Variants in ABCA12 observed in about 807,000 individuals in gnomAD.
The protein encoded by ABCA12 is ATP binding cassette subfamily A member 12, also known as glucosylceramide transporter ABCA12.
Under a neutral mutation model 293.5 loss-of-function variants are expected in ABCA12, and 156 were observed. The observed-to-expected ratio is 0.53, with a 90% CI of 0.47 to 0.61. The LOEUF (loss-of-function observed/expected upper bound fraction) is 0.61, where lower values mean the gene tolerates loss of function less well. Among genes scored for constraint, ABCA12 ranks in the 20% least tolerant of loss-of-function variants. The probability of loss-of-function intolerance (pLI) is 0.00; values close to 1 mark genes in which losing one functional copy is unlikely to be tolerated. For missense variants in ABCA12, 2,797 were observed against 3,090.2 expected (o/e 0.91, Z 2.25); for synonymous variants, 1,063 against 1,108.0 (o/e 0.96, Z 0.81).
At chr2:214,976,158 G>T in intron 33 of ABCA12, 121 bp from the exon 34 acceptor site, 1 of 1,373,812 alleles carries the variant, frequency 7.3e-7, no homozygotes, top group Non-Finnish European at 1.0e-6. Context: ...TAAAGATTTG[G>T]ATTTGAGGTT....
At chr2:215,121,127 A>T (rs1261048697) in intron 1 of ABCA12, among the ~76,000 whole-genome samples, 1 of 152,226 alleles carries the variant, frequency 6.6e-6, no homozygotes, top group Non-Finnish European at 1.5e-5. Flanking sequence ...ATGGGAAGAC[A>T]GGATCTTAAA....
At position 214,948,624 on chromosome 2, in the gene ABCA12, T is replaced by A. The variant is rs780445454; in HGVS notation, c.7076A>T (p.His2359Leu). The change falls in exon 47 of 53, where the codon CAT (histidine) becomes CTT (leucine). Residue 2359 changes from histidine (H) to leucine (L), a missense_variant. Physicochemically the swap from His to Leu is moderately conservative, Grantham distance 99. Transcript: ENST00000272895. ...TTTAATATCCTTTTCTGGAATTCCA[T>A]GTACCCTGGCATAGAAATACAAATG... ...EEHLYFYARV[H>L]GIPEKDIKET... 5 of 1,613,926 alleles carry A rather than the reference T, an allele frequency of 3.1e-6. No individual in the cohort carries two copies. Among genetic ancestry groups the A allele is most frequent in the Non-Finnish European group, 4.2e-6 (5 of 1,179,962 alleles).
At chr2:215,128,942 A>G (rs1187341363) in intron 1 of ABCA12, among the ~76,000 whole-genome samples, 1 of 152,074 alleles carries the variant, frequency 6.6e-6, no homozygotes, top group African/African-American at 2.4e-5. Context: ...CAGAGGGAAG[A>G]TCTATGTCTG....
chr2:215,063,304 A>C (rs779934128), intron 3 of ABCA12, among the ~76,000 whole-genome samples: 2 of 152,086 alleles, frequency 1.3e-5, no homozygotes, highest in East Asian at 3.9e-4. Flanking sequence ...CTAAATATCT[A>C]CGATTATAGA....
intron 2 of ABCA12, among the ~76,000 whole-genome samples, chr2:215,105,045 T>C (rs1218648595): frequency 2.0e-5 from 3 of 152,224 alleles, no homozygotes; most frequent in East Asian, 1.9e-4. Flanking sequence ...CAGTCACCCA[T>C]ATAAATCTTC....
intron 2 of ABCA12, among the ~76,000 whole-genome samples, chr2:215,105,064 A>G (rs1030051011): frequency 2.0e-5 from 3 of 152,138 alleles, no homozygotes; most frequent in African/African-American, 7.2e-5. Flanking sequence ...TCCAAACTGT[A>G]TCAGATTTTT....
intron 3 of ABCA12, among the ~76,000 whole-genome samples, chr2:215,060,509 T>C (rs1701508201): frequency 6.6e-6 from 1 of 152,088 alleles, no homozygotes; most frequent in Non-Finnish European, 1.5e-5. Context: ...TATCTCTTTG[T>C]GATTTTAACT....
chr2:215,068,246 G>C (rs1440546510), intron 2 of ABCA12, among the ~76,000 whole-genome samples: 1 of 152,138 alleles, frequency 6.6e-6, no homozygotes, highest in Non-Finnish European at 1.5e-5. Flanking sequence ...GTTTTAATAA[G>C]CTCTCTAGGT....
In ABCA12 at chr2:215,138,529, G is replaced by T; in HGVS notation, c.-321C>A. On this transcript the variant is annotated 5_prime_UTR_variant, in exon 1 of 53. Transcript: ENST00000272895. ...TTGCACGAAGTCCAGACTCAAGAGA[G>T]AATGAGCATCATTCAGATAATGCCT... The T allele has an allele frequency of 6.3e-6, 2 of 317,922 alleles. No individual in the cohort carries two copies. Among genetic ancestry groups the T allele is most frequent in the Non-Finnish European group, 1.2e-5 (2 of 164,926 alleles). The allele number at this position is 317,922 out of a possible 1,614,324, so 19.7% of individuals were successfully genotyped here.
intron 2 of ABCA12, among the ~76,000 whole-genome samples, chr2:215,071,741 G>A (rs532528228): frequency 6.6e-6 from 1 of 152,294 alleles, no homozygotes; most frequent in South Asian, 2.1e-4. Context: ...GGAACCATGA[G>A]TTACCATTGC....
intron 28 of ABCA12, 77 bp from the exon 29 acceptor site, chr2:214,983,942 GTT>G: frequency 7.6e-7 from 1 of 1,310,246 alleles, no homozygotes; most frequent in South Asian, 1.3e-5. Context: ...TATCTCAGTT[GTT>G]AGAAGGAAAA....
At position 215,117,310 on chromosome 2, in the gene ABCA12, G is replaced by A. The variant is rs1702706948; in HGVS notation, c.70-5620C>T. On this transcript the variant is annotated intron_variant, in intron 1 of 52. Transcript: ENST00000272895. ...AAATTCTATCCTGTTGCATGCAAGT[G>A]TTGAGGTTTGGAGAATTAATGATAA... is the stretch of plus-strand genomic sequence containing the variant. Among the ~76,000 whole-genome samples the A allele has an allele frequency of 2.0e-5, 3 of 152,324 alleles. 1 individual carries two copies. The highest frequency in any genetic ancestry group is 7.2e-5 in the African/African-American group (3 of 41,580).
At chr2:215,042,531 G>T (rs1029643128) in intron 7 of ABCA12, among the ~76,000 whole-genome samples, 18 of 152,128 alleles carry the variant, frequency 1.2e-4, no homozygotes, top group African/African-American at 3.9e-4. Context: ...ACAGGCATAA[G>T]CCACTGCACT....
chr2:214,995,381 TTC>T (rs1700011181), intron 23 of ABCA12, among the ~76,000 whole-genome samples: 2 of 152,218 alleles, frequency 1.3e-5, no homozygotes, highest in Admixed American at 1.3e-4. Context: ...GACTTTGAGT[TTC>T]TGGTAACTTA....
rs765442920 is a variant in ABCA12 at position 214,953,908 on chromosome 2, G to A, written c.6593C>T (p.Thr2198Ile). The stretch of plus-strand genomic sequence containing the variant: ...TAAGAGTCGCAAGGAAAAAAACATG[G>A]TGCCCTGAGAAACCAAAGCCACAAA... ...AMFVALVSQG[T>I]MFFSLRLLIN... The change falls in exon 44 of 53, where the codon ACC (threonine) becomes ATC (isoleucine). Residue 2198 changes from threonine (T) to isoleucine (I), a missense_variant. Coordinates refer to ENST00000272895, the MANE Select transcript of ABCA12 (RefSeq NM_173076.3). 2 of 1,613,820 alleles carry A rather than the reference G, an allele frequency of 1.2e-6. No homozygotes were observed. Among genetic ancestry groups the A allele is most frequent in the African/African-American group, 2.7e-5 (2 of 74,882 alleles).
Position 214,967,815 on chromosome 2 carries a change from G to A in ABCA12, c.5779-862C>T, listed in dbSNP as rs141806444. On this transcript the variant is annotated intron_variant, in intron 38 of 52. Transcript: ENST00000272895. ...GGTTGGCACATAATCATCATGAAATGGACATTAGTTCCCCCACTTTCCCAA... is the reference window on the plus strand; with the variant it reads ...GGTTGGCACATAATCATCATGAAATAGACATTAGTTCCCCCACTTTCCCAA... Among the ~76,000 whole-genome samples, 611 of 152,174 alleles carry A rather than the reference G, an allele frequency of 4.0e-3. 2 individuals are homozygous for A. Among genetic ancestry groups the A allele is most frequent in the Non-Finnish European group, 5.6e-3 (382 of 67,988 alleles).
intron 2 of ABCA12, among the ~76,000 whole-genome samples, chr2:215,084,609 C>A (rs578107193): frequency 6.6e-6 from 1 of 152,272 alleles, no homozygotes; most frequent in Admixed American, 6.5e-5. Context: ...AAGGGGGAAA[C>A]TTAGCCAGAA....
Position 214,956,759 on chromosome 2 carries a change from A to T in ABCA12, c.6137T>A (p.Val2046Glu). Residue 2046 changes from valine to glutamate, a missense_variant, in exon 42 of 53, where the codon GTA becomes GAA. Coordinates refer to ENST00000272895, the MANE Select transcript of ABCA12 (RefSeq NM_173076.3). ...IYDMVFYLVP[V>E]AFSIGIIAIF... ...CGCAATGATACCAATTGAAAACGCTACAGGCACCAAGTAGAAAACCTATGG... is the reference window on the plus strand; with the variant it reads ...CGCAATGATACCAATTGAAAACGCTTCAGGCACCAAGTAGAAAACCTATGG... The T allele has an allele frequency of 6.2e-7, 1 of 1,613,046 alleles. No individual in the cohort carries two copies. Among genetic ancestry groups the T allele is most frequent in the Non-Finnish European group, 8.5e-7 (1 of 1,179,156 alleles).
At position 214,932,617 on chromosome 2, in the gene ABCA12, T is replaced by G; in HGVS notation, c.*17A>C. 7.1e-5 allele frequency: 112 copies of G among 1,575,772 alleles called. No homozygotes were observed. The highest frequency in any genetic ancestry group is 8.9e-5 in the Non-Finnish European group (102 of 1,145,500). On this transcript the variant is annotated 3_prime_UTR_variant, in exon 53 of 53. Coordinates refer to ENST00000272895, the MANE Select transcript of ABCA12 (RefSeq NM_173076.3). The stretch of plus-strand genomic sequence containing the variant: ...GAAGCCATTGGTCACACGCTGAGAT[T>G]GAGTTTGCTGGAAGTGTTAAGACTC...
Sources: gnomAD v4.1 joint callset for allele counts (sites outside exome capture counted in the v4.1 genomes callset) on GRCh38, gnomAD v4.1.1 for gene constraint, MANE v1.5 for transcripts, NCBI Gene and HGNC (gene_info 2026-07-23, HGNC 2026-07-21) for gene names.